Variants in NALF1 observed in about 807,000 individuals in gnomAD.
The protein encoded by NALF1 is family with sequence similarity 155 member A.
In NALF1, 3 loss-of-function variants were observed where a neutral mutation model predicts 48.4. The observed-to-expected ratio is 0.06, with a 90% CI of 0.03 to 0.16. The LOEUF (loss-of-function observed/expected upper bound fraction) is 0.16. Ranked by LOEUF, NALF1 falls within the 10% of genes least tolerant of loss-of-function variation. The pLI is 1.00. For missense variants in NALF1, 526 were observed against 571.5 expected (o/e 0.92, Z 0.81); for synonymous variants, 262 against 245.7 (o/e 1.07, Z -0.62).
chr13:107,532,779 T>C (rs1007691507), intron 1 of NALF1, among the ~76,000 whole-genome samples: 27 of 151,802 alleles, frequency 1.8e-4, no homozygotes, highest in African/African-American at 5.3e-4. Context: ...TTTCAGAAAA[T>C]ATAAATCCCT....
chr13:107,346,252 T>A (rs1045877284), intron 1 of NALF1, among the ~76,000 whole-genome samples: 1 of 152,150 alleles, frequency 6.6e-6, no homozygotes, highest in African/African-American at 2.4e-5. Flanking sequence ...AACTCCCATA[T>A]GATCCAGCAA....
chr13:107,581,238 T>A (rs2138410493), intron 1 of NALF1, among the ~76,000 whole-genome samples: 1 of 152,308 alleles, frequency 6.6e-6, no homozygotes, highest in African/African-American at 2.4e-5. Flanking sequence ...CTTCTTGGTA[T>A]TATGCAAATG....
chr13:107,333,559 G>A (rs987028487), intron 1 of NALF1, among the ~76,000 whole-genome samples: 1 of 152,170 alleles, frequency 6.6e-6, no homozygotes, highest in Admixed American at 6.5e-5. Flanking sequence ...AGGAAGTTCC[G>A]TGAGTATTGA....
At chr13:107,605,940 T>C (rs1009529632) in intron 1 of NALF1, among the ~76,000 whole-genome samples, 3 of 152,222 alleles carry the variant, frequency 2.0e-5, no homozygotes, top group Admixed American at 6.5e-5. Context: ...GGCTGTATCA[T>C]TGAAATAATT....
Position 107,654,501 on chromosome 13 carries a change from T to C in NALF1, c.915+211181A>G, listed in dbSNP as rs565384846. Among the ~76,000 whole-genome samples, 12 of 151,676 alleles carry C rather than the reference T, an allele frequency of 7.9e-5. No individual in the cohort carries two copies. In the South Asian group the frequency reaches 1.7e-3, roughly 21 times the overall value. ...ACAAGCAGTGAAATCGAAATGGTAA[T>C]AAAAAAAATTGGTCAACAAAACAAA... On this transcript the variant is annotated intron_variant, in intron 1 of 2. Coordinates refer to ENST00000375915, the MANE Select transcript of NALF1 (RefSeq NM_001080396.3).
In NALF1 at chr13:107,691,593, G is replaced by A. The variant is rs1881570052; in HGVS notation, c.915+174089C>T. ...ATAGGACAGCAACAAATTAACAACT[G>A]AATATTGACAGGAGCAAGTATCTAA... is the stretch of plus-strand genomic sequence containing the variant. On this transcript the variant is annotated intron_variant, in intron 1 of 2. Coordinates refer to ENST00000375915, the MANE Select transcript of NALF1 (RefSeq NM_001080396.3). Among the ~76,000 whole-genome samples the A allele has an allele frequency of 2.0e-5, 3 of 152,220 alleles. No individual in the cohort carries two copies. In the South Asian group the frequency reaches 6.2e-4, roughly 32 times the overall value.
intron 1 of NALF1, among the ~76,000 whole-genome samples, chr13:107,340,554 A>G (rs1177312581): frequency 6.7e-6 from 1 of 150,232 alleles, no homozygotes; most frequent in Non-Finnish European, 1.5e-5. Flanking sequence ...GCTAGAAAAT[A>G]AAACGTGAAA....
At chr13:107,674,863 C>A (rs1032412464) in intron 1 of NALF1, among the ~76,000 whole-genome samples, 1 of 152,052 alleles carries the variant, frequency 6.6e-6, no homozygotes, top group Non-Finnish European at 1.5e-5. Context: ...CGAAATGTTT[C>A]TTTTTTGCAC....
intron 1 of NALF1, among the ~76,000 whole-genome samples, chr13:107,609,588 G>C (rs1040724593): frequency 1.7e-4 from 26 of 152,160 alleles, no homozygotes; most frequent in Non-Finnish European, 1.0e-4. Flanking sequence ...CAGTCTATGT[G>C]AGAGGAAGAG....
intron 1 of NALF1, among the ~76,000 whole-genome samples, chr13:107,670,062 T>G (rs1880954337): frequency 6.6e-6 from 1 of 152,182 alleles, no homozygotes; most frequent in Non-Finnish European, 1.5e-5. Context: ...CTTCACCATC[T>G]ACTGTTGCAG....
At chr13:107,699,724 A>G (rs1594214038) in intron 1 of NALF1, among the ~76,000 whole-genome samples, 1 of 152,272 alleles carries the variant, frequency 6.6e-6, no homozygotes, top group East Asian at 1.9e-4. Context: ...GGAACAAGTA[A>G]AATTATCTGT....
intron 1 of NALF1, among the ~76,000 whole-genome samples, chr13:107,811,642 T>TCTG (rs1878995286): frequency 6.6e-6 from 1 of 152,224 alleles, no homozygotes; most frequent in African/African-American, 2.4e-5. Context: ...TAGTTCATTT[T>TCTG]CTGCTGCTAT....
At chr13:107,336,216 G>C (rs549660474) in intron 1 of NALF1, among the ~76,000 whole-genome samples, 1 of 152,088 alleles carries the variant, frequency 6.6e-6, no homozygotes, top group Non-Finnish European at 1.5e-5. Flanking sequence ...AGCCTGACAT[G>C]GTGGTGCATG....
chr13:107,493,812 C>A (rs986046966), intron 1 of NALF1, among the ~76,000 whole-genome samples: 7 of 152,026 alleles, frequency 4.6e-5, no homozygotes, highest in African/African-American at 1.7e-4. Flanking sequence ...TGGCTTGAGC[C>A]CCAAGTGTTC....
At chr13:107,291,789 GA>G (rs1454743762) in intron 1 of NALF1, among the ~76,000 whole-genome samples, 1 of 152,160 alleles carries the variant, frequency 6.6e-6, no homozygotes, top group Non-Finnish European at 1.5e-5. Flanking sequence ...TGCTTTGAAT[GA>G]AAAGGAAAAC....
chr13:107,836,791 C>A (rs80207947), intron 1 of NALF1, among the ~76,000 whole-genome samples: 5,993 of 152,166 alleles, frequency 0.039, 403 homozygotes, highest in African/African-American at 0.14. Flanking sequence ...AAGTGAAAAT[C>A]TTTGGAAATG....
chr13:107,395,053 T>C (rs758024660), intron 1 of NALF1, among the ~76,000 whole-genome samples: 85 of 152,274 alleles, frequency 5.6e-4, no homozygotes, highest in Non-Finnish European at 8.4e-4. Flanking sequence ...ATATAAGGCA[T>C]AGTCCCCTTG....
chr13:107,176,515 G>C (rs7986354), intron 2 of NALF1, among the ~76,000 whole-genome samples: 5,244 of 151,784 alleles, frequency 0.035, 312 homozygotes, highest in African/African-American at 0.12. Context: ...GGTGGCGGGC[G>C]CCTGTAGTCC....
At chr13:107,395,113 T>C (rs1883690434) in intron 1 of NALF1, among the ~76,000 whole-genome samples, 1 of 152,206 alleles carries the variant, frequency 6.6e-6, no homozygotes, top group Non-Finnish European at 1.5e-5. Context: ...ATGAGAATGT[T>C]AATGTTCTCA....
Sources: allele counts gnomAD v4.1 joint callset (sites outside exome capture counted in the v4.1 genomes callset), GRCh38; gene constraint gnomAD v4.1.1; transcripts MANE v1.5; gene names NCBI Gene and HGNC (gene_info 2026-07-23, HGNC 2026-07-21).